SERPINF2: variants seen among roughly 807,000 people sequenced by gnomAD.
SERPINF2 encodes the protein serpin family F member 2.
SERPINF2 carries 15 observed loss-of-function variants against 45.0 expected under a neutral mutation model. That is an observed-to-expected ratio of 0.33 (90% CI 0.22 to 0.51). SERPINF2 has a LOEUF of 0.51. Ranked by LOEUF, SERPINF2 falls within the 20% of genes least tolerant of loss-of-function variation. The probability of loss-of-function intolerance (pLI) is 0.97; values close to 1 mark genes in which losing one functional copy is unlikely to be tolerated. For synonymous variants in SERPINF2, 283 were observed against 277.9 expected (o/e 1.02, Z -0.18); for missense variants, 518 against 637.4 (o/e 0.81, Z 2.02).
intron 5 of SERPINF2, among the ~76,000 whole-genome samples, chr17:1,746,312 G>A (rs1390314412): frequency 2.6e-5 from 4 of 151,826 alleles, no homozygotes; most frequent in East Asian, 1.9e-4. Flanking sequence ...GCAAGATTCC[G>A]TCTCAAACAA....
rs967768903 is a variant in SERPINF2 at position 1,754,811 on chromosome 17, G to C, written c.*277G>C. ...CCTGGGCAGGAGGGAGGTGCTTCTA[G>C]TTCTGCCAGGAGACAGGTTAGCTGC... On this transcript the variant is annotated 3_prime_UTR_variant, in exon 10 of 10. Transcript: ENST00000453066. 7 of 511,294 alleles carry C rather than the reference G, an allele frequency of 1.4e-5. No homozygotes were observed. Among genetic ancestry groups the C allele is most frequent in the African/African-American group, 1.2e-4 (6 of 51,556 alleles). 31.7% of individuals were successfully genotyped at this position (511,294 alleles called of 1,614,324 possible). A position where few individuals can be genotyped will look rare whatever the true frequency, so the allele number is the denominator to read the frequency against.
In SERPINF2 at chr17:1,754,669, C is replaced by G; in HGVS notation, c.*135C>G. The G allele has an allele frequency of 2.6e-5, 9 of 352,674 alleles. No homozygotes were observed. The highest frequency in any genetic ancestry group is 6.2e-5 in the East Asian group (1 of 16,096). 21.8% of individuals were successfully genotyped at this position (352,674 alleles called of 1,614,324 possible). On this transcript the variant is annotated 3_prime_UTR_variant, in exon 10 of 10. Transcript: ENST00000453066. ...GAGAGGCCATTCTTTCCCAACACCT[C>G]TTGGGGAGTTTAGGGTGGGGGGGGG...
chr17:1,754,138 C>T lies in SERPINF2; in HGVS notation c.1080C>T (p.Phe360=). Residue 360 remains phenylalanine (F), a synonymous_variant, in exon 10 of 10, where the codon TTC becomes TTT. Coordinates refer to ENST00000453066, the MANE Select transcript of SERPINF2 (RefSeq NM_000934.4). ...TLSQLGLQEL[F]QAPDLRGISE... ...CCTGGGCAGGCCTGCAGGAGTTGTTCCAGGCCCCAGACCTGCGTGGGATCT... is the reference window on the plus strand; with the variant it reads ...CCTGGGCAGGCCTGCAGGAGTTGTTTCAGGCCCCAGACCTGCGTGGGATCT... 3.7e-6 allele frequency: 6 copies of T among 1,607,006 alleles called. No homozygotes were observed. Among genetic ancestry groups the T allele is most frequent in the Admixed American group, 1.7e-5 (1 of 60,016 alleles).
At chr17:1,744,156 A>G (rs1277853213) in intron 1 of SERPINF2, among the ~76,000 whole-genome samples, 3 of 150,326 alleles carry the variant, frequency 2.0e-5, no homozygotes, top group Non-Finnish European at 4.4e-5. Flanking sequence ...CTGGCCTCCC[A>G]AAGTGCTGGG....
Position 1,745,687 on chromosome 17 carries a change from A to T in SERPINF2, c.166-21A>T. ...TGGAGCTGACCCCTTGACCTCCCTG[A>T]CCCCTGATCTGTCCCTGCAGGAGCC... is the stretch of plus-strand genomic sequence containing the variant. On this transcript the variant is annotated intron_variant, in intron 4 of 9. Coordinates refer to ENST00000453066, the MANE Select transcript of SERPINF2 (RefSeq NM_000934.4). This position sits in a 1 kb window ranked among gnomAD's most constrained non-coding sequence, Gnocchi z 6.2. 11 of 1,611,010 alleles carry T rather than the reference A, an allele frequency of 6.8e-6. No homozygotes were observed. Among genetic ancestry groups the T allele is most frequent in the Non-Finnish European group, 9.3e-6 (11 of 1,179,196 alleles).
chr17:1,746,181 G>C (rs1237644207), intron 5 of SERPINF2, among the ~76,000 whole-genome samples: 1 of 152,036 alleles, frequency 6.6e-6, no homozygotes, highest in Non-Finnish European at 1.5e-5. Context: ...AGCTGTGCGT[G>C]GTGGTGCGCA....
At chr17:1,747,825 A>G (rs1840122009) in intron 7 of SERPINF2, among the ~76,000 whole-genome samples, 1 of 151,464 alleles carries the variant, frequency 6.6e-6, no homozygotes, top group Admixed American at 6.6e-5. Context: ...CGGCCTCCCA[A>G]AGTGCTGGGA....
intron 7 of SERPINF2, 70 bp from the exon 8 acceptor site, chr17:1,748,528 G>C: frequency 6.3e-7 from 1 of 1,591,448 alleles, no homozygotes; most frequent in Admixed American, 1.7e-5. Context: ...GGTCCCCATC[G>C]ACGTGACCCC....
In SERPINF2 at chr17:1,744,480, C is replaced by T. The variant is rs902031805; in HGVS notation, c.-4-512C>T. ...TGCACTCCAGCCTGGTCAACGAGAG[C>T]GAAACTCCGTCTCAAAAAATAAACA... On this transcript the variant is annotated intron_variant, in intron 1 of 9. Coordinates refer to ENST00000453066, the MANE Select transcript of SERPINF2 (RefSeq NM_000934.4). 15 of 933,038 alleles carry T rather than the reference C, an allele frequency of 1.6e-5. No individual in the cohort carries two copies. In the South Asian group the frequency reaches 2.0e-4, roughly 12 times the overall value. 57.8% of individuals were successfully genotyped at this position (933,038 alleles called of 1,614,324 possible).
At position 1,747,298 on chromosome 17, in the gene SERPINF2, C is replaced by A; in HGVS notation, c.512-11C>A. The A allele has an allele frequency of 1.2e-6, 2 of 1,613,520 alleles. No individual in the cohort carries two copies. Among genetic ancestry groups the A allele is most frequent in the Non-Finnish European group, 1.7e-6 (2 of 1,179,924 alleles). On this transcript the variant is annotated splice_polypyrimidine_tract_variant and intron_variant, in intron 6 of 9. Coordinates refer to ENST00000453066, the MANE Select transcript of SERPINF2 (RefSeq NM_000934.4). ...GGAGCCCTGGGAACAGCTTGTGCTG[C>A]CTCCGTGCAGGATTTCCCATCAAAG...
chr17:1,747,647 C>A, intron 7 of SERPINF2, 135 bp downstream of exon 7: 1 of 942,670 alleles, frequency 1.1e-6, no homozygotes, highest in Non-Finnish European at 1.6e-6. Context: ...TCCCTGCAAC[C>A]TCCGCCTCCC....
At position 1,752,786 on chromosome 17, in the gene SERPINF2, G is replaced by T; in HGVS notation, c.1059G>T (p.Gln353His). 1 of 1,607,970 alleles carries T rather than the reference G, an allele frequency of 6.2e-7. No homozygotes were observed. The highest frequency in any genetic ancestry group is 8.5e-7 in the Non-Finnish European group (1 of 1,177,480). ...TGGACCTGGTGGCCACCCTCAGCCA[G>T]CTGGGTAAGGAGGAGGGTGCGGGCG... Reference protein sequence around the residue: ...HQMDLVATLSQLGLQELFQAP... With the variant: ...HQMDLVATLSHLGLQELFQAP... The change falls in exon 9 of 10, where the codon CAG (glutamine) becomes CAT (histidine). Residue 353 changes from glutamine (Q) to histidine (H), a missense_variant. Gln to His is a conservative substitution (Grantham distance 24). Around this residue, in one of 2 missense-constraint regions of SERPINF2, gnomAD observed 435 missense variants for 577.3 expected, o/e 0.75. Transcript: ENST00000453066.
In SERPINF2 at chr17:1,754,519, T is replaced by C; in HGVS notation, c.1461T>C (p.Phe487=). Residue 487 remains phenylalanine, a synonymous_variant, in exon 10 of 10, where the codon TTT becomes TTC. Transcript: ENST00000453066. ...CCATGGAGGAGGATTACCCCCAGTT[T>C]GGCAGCCCCAAGTGAGGGGCCGTGG... ...VPPMEEDYPQ[F]GSPK 6.2e-7 allele frequency: 1 copy of C among 1,609,984 alleles called. No individual in the cohort carries two copies.
rs138580692 is a variant in SERPINF2 at position 1,748,704 on chromosome 17, G to T, written c.822G>T (p.Pro274=). Residue 274 remains proline (P), a synonymous_variant, in exon 8 of 10, where the codon CCG becomes CCT. Coordinates refer to ENST00000453066, the MANE Select transcript of SERPINF2 (RefSeq NM_000934.4). ...AAATGATGCAGGCCCGCACGTACCC[G>T]CTGCGCTGGTTCTTGCTGGAGCAGC... The part of the protein sequence containing the change: ...PVEMMQARTY[P]LRWFLLEQPE... 27 of 1,559,592 alleles carry T rather than the reference G, an allele frequency of 1.7e-5. No individual in the cohort carries two copies. The highest frequency in any genetic ancestry group is 2.1e-5 in the Non-Finnish European group (24 of 1,130,466).
Position 1,752,773 on chromosome 17 carries a change from C to A in SERPINF2, c.1046C>A (p.Ala349Asp), listed in dbSNP as rs1906505422. Residue 349 changes from alanine to aspartate, a missense_variant, in exon 9 of 10, where the codon GCC (alanine) becomes GAC (aspartate). Around this residue, in one of 2 missense-constraint regions of SERPINF2, gnomAD observed 435 missense variants for 577.3 expected, o/e 0.75. Transcript: ENST00000453066. ...CTGAAACACCAAATGGACCTGGTGG[C>A]CACCCTCAGCCAGCTGGGTAAGGAG... The part of the protein sequence containing the change: ...LYLKHQMDLV[A>D]TLSQLGLQEL... The A allele has an allele frequency of 1.2e-6, 2 of 1,610,530 alleles. No homozygotes were observed. Among genetic ancestry groups the A allele is most frequent in the East Asian group, 4.5e-5 (2 of 44,776 alleles).
At chr17:1,746,982 C>T (rs1170418598) in intron 5 of SERPINF2, 37 bp from the exon 6 acceptor site, 10 of 1,596,010 alleles carry the variant, frequency 6.3e-6, no homozygotes, top group Non-Finnish European at 8.5e-6. Context: ...TGAGAAAGGA[C>T]CCGCAGCCGG....
At chr17:1,747,659 G>A in intron 7 of SERPINF2, 147 bp downstream of exon 7, 2 of 842,590 alleles carry the variant, frequency 2.4e-6, no homozygotes, top group Non-Finnish European at 3.8e-6. Flanking sequence ...CCGCCTCCCG[G>A]ATTGAAGCGA....
Position 1,745,023 on chromosome 17 carries a change from C to G in SERPINF2, c.28C>G (p.Leu10Val), listed in dbSNP as rs1200668517. 1 of 1,613,582 alleles carries G rather than the reference C, an allele frequency of 6.2e-7. No individual in the cohort carries two copies. Among genetic ancestry groups the G allele is most frequent in the East Asian group, 2.2e-5 (1 of 44,872 alleles). Residue 10 changes from leucine (L) to valine (V), a missense_variant, in exon 2 of 10, where the codon CTC becomes GTC. By Grantham distance (32) the Leu-to-Val change is conservative. Around this residue, in one of 2 missense-constraint regions of SERPINF2, gnomAD observed 435 missense variants for 577.3 expected, o/e 0.75. Coordinates refer to ENST00000453066, the MANE Select transcript of SERPINF2 (RefSeq NM_000934.4). This position sits in a 1 kb window ranked among gnomAD's most constrained non-coding sequence, Gnocchi z 6.2. Reference protein sequence around the residue: MALLWGLLVLSWSCLQGPCS... With the variant: MALLWGLLVVSWSCLQGPCS... ...GGCGCTGCTCTGGGGGCTCCTGGTG[C>G]TCAGCTGGTCCTGCCTGCAAGGCCC... is the stretch of plus-strand genomic sequence containing the variant.
At chr17:1,743,755 T>C (rs1410967449) in intron 1 of SERPINF2, among the ~76,000 whole-genome samples, 2 of 145,148 alleles carry the variant, frequency 1.4e-5, no homozygotes, top group East Asian at 4.0e-4. Flanking sequence ...GCTAAATGGA[T>C]GCAGCAGGCT....
Sources: gnomAD v4.1 joint callset for allele counts (sites outside exome capture counted in the v4.1 genomes callset) on GRCh38, gnomAD v4.1.1 for gene constraint, gnomAD v4.1.1 regional missense constraint, Gnocchi (gnomAD v3.1) non-coding constraint, MANE v1.5 for transcripts, NCBI Gene and HGNC (gene_info 2026-07-23, HGNC 2026-07-21) for gene names.